The following FRMD3 variants were observed in gnomAD, a reference collection of about 807,000 sequenced individuals.
FRMD3 encodes the protein FERM domain containing 3.
A neutral mutation model predicts 70.2 loss-of-function variants in FRMD3; 33 were observed. The observed-to-expected ratio is 0.47, with a 90% CI of 0.36 to 0.63. The LOEUF (loss-of-function observed/expected upper bound fraction) is 0.63. FRMD3 is among the 20% of genes least tolerant of loss of function. The pLI, the probability that FRMD3 is intolerant of heterozygous loss-of-function variation, is 0.00. For synonymous variants in FRMD3, 279 were observed against 255.9 expected (o/e 1.09, Z -0.86); for missense variants, 632 against 711.4 (o/e 0.89, Z 1.27).
At position 83,311,985 on chromosome 9, in the gene FRMD3, AAAAAAAAG is replaced by A. The variant is rs754819819; in HGVS notation, c.685-18_685-11del. The A allele has an allele frequency of 6.4e-6, 10 of 1,568,690 alleles. No homozygotes were observed. The highest frequency in any genetic ancestry group is 8.6e-6 in the Non-Finnish European group (10 of 1,163,400). On this transcript the variant is annotated splice_polypyrimidine_tract_variant and intron_variant, in intron 7 of 13. Transcript: ENST00000304195. ...TTGTGCCTGTTGAATCCTGAAAAAA[AAAAAAAAG>A]AAAAAAGAAAAATCTGTTTAGATTG...
chr9:83,579,897 TA>T, the FRMD3 span, among the ~76,000 whole-genome samples: 1 of 152,014 alleles, frequency 6.6e-6, no homozygotes, highest in African/African-American at 2.4e-5. Context: ...ATATTTAAAA[TA>T]TATAAGAAAC....
At chr9:83,320,555 AATAAAATTTGCTG>A (rs1420457118) in intron 6 of FRMD3, among the ~76,000 whole-genome samples, 1 of 151,510 alleles carries the variant, frequency 6.6e-6, no homozygotes, top group Non-Finnish European at 1.5e-5. Context: ...ATTTTCAGCA[AATAAAATTTGCTG>A]ATTTGCTAGT....
chr9:83,497,625 TG>T (rs1828970939), intron 1 of FRMD3, among the ~76,000 whole-genome samples: 1 of 152,124 alleles, frequency 6.6e-6, no homozygotes, highest in Non-Finnish European at 1.5e-5. Context: ...GTACAACCAA[TG>T]GGGTGTGAGC....
chr9:83,383,825 T>C (rs1825430939), intron 2 of FRMD3, among the ~76,000 whole-genome samples: 2 of 152,152 alleles, frequency 1.3e-5, no homozygotes, highest in Non-Finnish European at 1.5e-5. Context: ...AATGTGCACA[T>C]CTCCGTTGGC....
At chr9:83,449,622 G>A (rs12685342) in intron 1 of FRMD3, among the ~76,000 whole-genome samples, 35,844 of 152,024 alleles carry the variant, frequency 0.24, 4,248 homozygotes, top group Non-Finnish European at 0.26. Flanking sequence ...ATGCACCCCT[G>A]CTCAGGCCCT....
At chr9:83,389,482 T>G in intron 2 of FRMD3, 122 bp downstream of exon 2, 1 of 685,546 alleles carries the variant, frequency 1.5e-6, no homozygotes, top group Non-Finnish European at 2.6e-6. Flanking sequence ...TCACACAGGG[T>G]TTCATGTGCC....
intron 1 of FRMD3, among the ~76,000 whole-genome samples, chr9:83,471,691 T>C (rs1828273577): frequency 6.6e-6 from 1 of 152,206 alleles, no homozygotes; most frequent in South Asian, 2.1e-4. Context: ...CTGACCACAA[T>C]GGGCTAGATG....
chr9:83,402,573 A>T (rs1470666676), intron 1 of FRMD3, among the ~76,000 whole-genome samples: 1 of 152,024 alleles, frequency 6.6e-6, no homozygotes, highest in African/African-American at 2.4e-5. Context: ...AAATGTCCTC[A>T]TGCAAGGCTA....
chr9:83,551,012 T>C, the FRMD3 span, among the ~76,000 whole-genome samples: 4 of 152,142 alleles, frequency 2.6e-5, no homozygotes, highest in Non-Finnish European at 4.4e-5. Context: ...TCCAATACTA[T>C]GTTGAACAGA....
chr9:83,431,024 G>T (rs1826960331), intron 1 of FRMD3, among the ~76,000 whole-genome samples: 1 of 152,192 alleles, frequency 6.6e-6, no homozygotes, highest in African/African-American at 2.4e-5. Context: ...TGGTATTAGA[G>T]CCCTGTGATA....
rs543656088 is a variant in FRMD3, at chr9:83,306,334, C to T, written c.926+3202G>A. ...GAATGATCAACCACACCTACTGCAC[C>T]TCTGTTGCCTCTTTCACACTGGTCA... On this transcript the variant is annotated intron_variant, in intron 10 of 13. Coordinates refer to ENST00000304195, the MANE Select transcript of FRMD3 (RefSeq NM_174938.6). 2.0e-5 allele frequency among the ~76,000 whole-genome samples: 3 copies of T among 152,296 alleles called. No individual in the cohort carries two copies. The East Asian group carries it at 5.8e-4, about 29-fold the overall frequency.
At chr9:83,389,840 G>T (rs191046625) in intron 1 of FRMD3, 132 bp from the exon 2 acceptor site, 3 of 629,612 alleles carry the variant, frequency 4.8e-6, no homozygotes, top group Admixed American at 5.5e-5. Context: ...TGAAGAAGGG[G>T]CTTCCAAACT....
intron 6 of FRMD3, among the ~76,000 whole-genome samples, chr9:83,322,896 C>G (rs1401704445): frequency 6.6e-6 from 1 of 152,208 alleles, no homozygotes; most frequent in Non-Finnish European, 1.5e-5. Context: ...ACTTATTACT[C>G]TGGTTCCTCT....
At chr9:83,416,565 C>T (rs1025273748) in intron 1 of FRMD3, among the ~76,000 whole-genome samples, 11 of 152,230 alleles carry the variant, frequency 7.2e-5, no homozygotes, top group African/African-American at 2.7e-4. Flanking sequence ...AGGGGCTTGG[C>T]ACCTAATAGG....
intron 13 of FRMD3, among the ~76,000 whole-genome samples, chr9:83,283,660 T>C (rs1344741982): frequency 6.6e-6 from 1 of 152,162 alleles, no homozygotes; most frequent in East Asian, 1.9e-4. Context: ...CCTTCTGTTC[T>C]GTGGAGGCAT....
intron 10 of FRMD3, among the ~76,000 whole-genome samples, chr9:83,301,818 A>G (rs1834939718): frequency 6.6e-6 from 1 of 152,266 alleles, no homozygotes; most frequent in Non-Finnish European, 1.5e-5. Context: ...AAGCAGGTCA[A>G]AAGATACATT....
In FRMD3 at chr9:83,247,568, C is replaced by T. The variant is rs1439393842; in HGVS notation, c.*350G>A. 5 of 1,011,734 alleles carry T rather than the reference C, an allele frequency of 4.9e-6. No individual in the cohort carries two copies. The highest frequency in any genetic ancestry group is 4.7e-6 in the Non-Finnish European group (4 of 845,482). 62.7% of individuals were successfully genotyped at this position (1,011,734 alleles called of 1,614,324 possible). A position where few individuals can be genotyped will look rare whatever the true frequency, so the allele number is the denominator to read the frequency against. ...TGTTACTAAAATTCTGATTCTGAAC[C>T]TTATAGCTTATAATGGTGCCAACTA... On this transcript the variant is annotated 3_prime_UTR_variant, in exon 14 of 14. Transcript: ENST00000304195.
chr9:83,251,192 C>T (rs1360089660), intron 13 of FRMD3, among the ~76,000 whole-genome samples: 1 of 152,182 alleles, frequency 6.6e-6, no homozygotes, highest in African/African-American at 2.4e-5. Flanking sequence ...TCATAGCCTT[C>T]ACTGGTGATA....
chr9:83,320,276 T>A (rs2131085338), intron 6 of FRMD3, among the ~76,000 whole-genome samples: 1 of 152,326 alleles, frequency 6.6e-6, no homozygotes, highest in East Asian at 1.9e-4. Context: ...TTAAATATGA[T>A]GTTGGCTGTG....
Sources: gnomAD v4.1 joint callset for allele counts (sites outside exome capture counted in the v4.1 genomes callset) on GRCh38, gnomAD v4.1.1 for gene constraint, MANE v1.5 for transcripts, NCBI Gene and HGNC (gene_info 2026-07-23, HGNC 2026-07-21) for gene names.